Variants in SLC30A6 observed in about 807,000 individuals in gnomAD.
SLC30A6 encodes the protein solute carrier family 30 member 6.
A neutral mutation model predicts 63.0 loss-of-function variants in SLC30A6; 55 were observed. The observed-to-expected ratio is 0.87, with a 90% CI of 0.70 to 1.09. The LOEUF is 1.09. SLC30A6 is among the 50% of genes least tolerant of loss of function. SLC30A6 has a pLI of 0.00. For missense variants in SLC30A6, 587 were observed against 549.2 expected (o/e 1.07, Z -0.69); for synonymous variants, 224 against 186.1 (o/e 1.20, Z -1.66).
intron 3 of SLC30A6, among the ~76,000 whole-genome samples, chr2:32,175,042 C>G (rs1162045617): frequency 1.3e-5 from 2 of 151,984 alleles, no homozygotes; most frequent in Non-Finnish European, 2.9e-5. Context: ...GCTGAGATTA[C>G]AGAAGCAGGC....
intron 5 of SLC30A6, 119 bp downstream of exon 5, chr2:32,184,457 T>C: frequency 2.0e-6 from 1 of 492,326 alleles, no homozygotes; most frequent in Non-Finnish European, 3.3e-6. Context: ...CTTAGTGAAA[T>C]GATGATCAGA....
intron 5 of SLC30A6, among the ~76,000 whole-genome samples, chr2:32,191,276 A>G (rs888193794): frequency 1.4e-4 from 22 of 152,232 alleles, no homozygotes; most frequent in African/African-American, 5.1e-4. Flanking sequence ...GTATTCTATC[A>G]TAACCTACTT....
In SLC30A6 at chr2:32,185,678, A is replaced by T. The variant is rs187416651; in HGVS notation, c.284+1340A>T. ...TAATGCAAAATAAGGATTTTCATAA[A>T]TCAATCATAAATCAAAATGAATTTT... On this transcript the variant is annotated intron_variant, in intron 5 of 13. Coordinates refer to ENST00000282587, the MANE Select transcript of SLC30A6 (RefSeq NM_017964.5). Among the ~76,000 whole-genome samples, 9 of 152,202 alleles carry T rather than the reference A, an allele frequency of 5.9e-5. No homozygotes were observed. The East Asian group carries it at 1.5e-3, about 26-fold the overall frequency.
chr2:32,178,999 A>C lies in SLC30A6; in HGVS notation c.218+3638A>C, dbSNP rs111232964. On this transcript the variant is annotated intron_variant, in intron 4 of 13. Transcript: ENST00000282587. ...CTCAGCCTCCTGAGTGAGTGGTACC[A>C]CAGGCTTGTGCCACCACACCTGCCT... 2.9e-3 allele frequency among the ~76,000 whole-genome samples: 447 copies of C among 152,280 alleles called. 4 individuals carry two copies. Among genetic ancestry groups the C allele is most frequent in the African/African-American group, 0.01 (423 of 41,564 alleles).
Position 32,224,086 on chromosome 2 carries a change from A to G in SLC30A6, c.*3373A>G, listed in dbSNP as rs536525288. The G allele has an allele frequency of 1.9e-5, 3 of 157,434 alleles. No individual in the cohort carries two copies. The highest frequency in any genetic ancestry group is 2.0e-4 in the South Asian group (1 of 4,958). The allele number at this position is 157,434 out of a possible 1,614,324, so 9.8% of individuals were successfully genotyped here. On this transcript the variant is annotated 3_prime_UTR_variant, in exon 14 of 14. Transcript: ENST00000282587. ...AATTAAACTGTTTGGATTAAAGAAC[A>G]TATATGGAGTTTCCTCTCTGGTTTT...
intron 13 of SLC30A6, among the ~76,000 whole-genome samples, chr2:32,213,636 A>G (rs1685443265): frequency 6.6e-6 from 1 of 152,128 alleles, no homozygotes; most frequent in African/African-American, 2.4e-5. Context: ...GAGGCATTTC[A>G]AACACTGCCA....
At chr2:32,193,212 C>G (rs1290498211) in intron 7 of SLC30A6, among the ~76,000 whole-genome samples, 3 of 152,120 alleles carry the variant, frequency 2.0e-5, no homozygotes, top group Admixed American at 6.6e-5. Context: ...GCCTAGGAAA[C>G]ACTAACCCAG....
intron 11 of SLC30A6, among the ~76,000 whole-genome samples, 177 bp downstream of exon 11, chr2:32,204,869 A>G (rs1336343417): frequency 6.9e-6 from 1 of 145,696 alleles, no homozygotes; most frequent in Non-Finnish European, 1.5e-5. Context: ...ACTGGAGTAC[A>G]GTGGTGGGAT....
chr2:32,171,724 C>T (rs556857153), intron 2 of SLC30A6, among the ~76,000 whole-genome samples: 2 of 150,838 alleles, frequency 1.3e-5, no homozygotes, highest in South Asian at 2.1e-4. Context: ...TGAAGTTACA[C>T]TCTTGTTGCC....
At chr2:32,212,570 C>T (rs1234704182) in intron 13 of SLC30A6, among the ~76,000 whole-genome samples, 3 of 130,756 alleles carry the variant, frequency 2.3e-5, no homozygotes, top group African/African-American at 8.6e-5. Context: ...TTCTTCCTCT[C>T]TGCCATTTTT....
intron 10 of SLC30A6, chr2:32,201,643 C>T: frequency 6.6e-7 from 1 of 1,514,258 alleles, no homozygotes; most frequent in Non-Finnish European, 9.0e-7. Flanking sequence ...GAACTGGAAG[C>T]ACCCTTGGAG....
rs368772158 is a variant in SLC30A6 at position 32,197,743 on chromosome 2, C to T, written c.582C>T (p.Phe194=). The T allele has an allele frequency of 3.5e-5, 57 of 1,613,980 alleles. No individual in the cohort carries two copies. Among genetic ancestry groups the T allele is most frequent in the Non-Finnish European group, 4.7e-5 (56 of 1,179,992 alleles). ...CGIIPGLSSI[F]LPRMNPFVLI... ...TTATTCCGGGACTTAGCAGTATCTT[C>T]CTTCCCCGAATGAATCCATTTGTTT... Residue 194 remains phenylalanine, a synonymous_variant, in exon 10 of 14, where the codon TTC becomes TTT. Coordinates refer to ENST00000282587, the MANE Select transcript of SLC30A6 (RefSeq NM_017964.5).
intron 11 of SLC30A6, among the ~76,000 whole-genome samples, chr2:32,206,175 G>C: frequency 6.6e-6 from 1 of 151,384 alleles, no homozygotes; most frequent in South Asian, 2.1e-4. Flanking sequence ...GGCCGGGCGC[G>C]GTGGCTCATG....
intron 13 of SLC30A6, among the ~76,000 whole-genome samples, chr2:32,218,848 C>T (rs1234502122): frequency 6.6e-6 from 1 of 152,154 alleles, no homozygotes; most frequent in African/African-American, 2.4e-5. Context: ...TGAGCCACTG[C>T]ACTTGGCAGC....
chr2:32,203,317 A>G (rs1684460581), intron 10 of SLC30A6: 1 of 923,466 alleles, frequency 1.1e-6, no homozygotes, highest in South Asian at 1.3e-5. Flanking sequence ...TGGAACAAAA[A>G]GTAGGAATTA....
At chr2:32,219,273 T>C (rs1558433519) in intron 13 of SLC30A6, among the ~76,000 whole-genome samples, 1 of 149,912 alleles carries the variant, frequency 6.7e-6, no homozygotes, top group Non-Finnish European at 1.5e-5. Context: ...ACGTCAGGGG[T>C]GATCCGCCCA....
chr2:32,169,476 C>T (rs953576830), intron 1 of SLC30A6, among the ~76,000 whole-genome samples: 8 of 151,498 alleles, frequency 5.3e-5, no homozygotes, highest in Admixed American at 1.3e-4. Flanking sequence ...CATGGCCAGC[C>T]AAGAAAAAGA....
At position 32,184,293 on chromosome 2, in the gene SLC30A6, G is replaced by A. The variant is rs768234563; in HGVS notation, c.239G>A (p.Ser80Asn). 2 of 1,545,668 alleles carry A rather than the reference G, an allele frequency of 1.3e-6. No homozygotes were observed. Among genetic ancestry groups the A allele is most frequent in the South Asian group, 1.3e-5 (1 of 78,854 alleles). Residue 80 changes from serine to asparagine, a missense_variant, in exon 5 of 14, where the codon AGT (serine) becomes AAT (asparagine). By Grantham distance (46) the Ser-to-Asn change is conservative. Coordinates refer to ENST00000282587, the MANE Select transcript of SLC30A6 (RefSeq NM_017964.5). ...CTTAGTTTAATGACATGTTTAATAA[G>A]TTACTGGGTAACATTGAGGAAACCT... The part of the protein sequence containing the change: ...DLFSLMTCLI[S>N]YWVTLRKPSP...
chr2:32,194,031 T>A, intron 8 of SLC30A6, 48 bp downstream of exon 8: 1 of 1,469,492 alleles, frequency 6.8e-7, no homozygotes, highest in Non-Finnish European at 9.4e-7. Context: ...TAATCTCTCA[T>A]AAAAACAAGC....
Sources: allele counts gnomAD v4.1 joint callset (sites outside exome capture counted in the v4.1 genomes callset), GRCh38; gene constraint gnomAD v4.1.1; transcripts MANE v1.5; gene names NCBI Gene and HGNC (gene_info 2026-07-23, HGNC 2026-07-21).